Variants in KLF12 observed in about 807,000 individuals in gnomAD.
KLF12 encodes KLF transcription factor 12, also known as Krueppel-like factor 12.
In KLF12, 9 loss-of-function variants were observed where a neutral mutation model predicts 37.8. The observed-to-expected ratio is 0.24, with a 90% confidence interval of 0.14 to 0.42. The LOEUF (loss-of-function observed/expected upper bound fraction) is 0.42, where lower values mean the gene tolerates loss of function less well. Ranked by LOEUF, KLF12 falls within the 10% of genes least tolerant of loss-of-function variation. KLF12 has a pLI of 1.00. For synonymous variants in KLF12, 208 were observed against 202.1 expected, an observed-to-expected ratio of 1.03 and a Z score of -0.25; for missense variants, 411 against 516.0, an observed-to-expected ratio of 0.80 and a Z score of 1.97.
At chr13:73,858,875 A>C (rs1203207179) in intron 3 of KLF12, among the ~76,000 whole-genome samples, 1 of 152,266 alleles carries the variant, frequency 6.6e-6, no homozygotes, top group Non-Finnish European at 1.5e-5. Flanking sequence ...GTGTCTTCAG[A>C]ATGCATAAAC....
chr13:74,130,440 C>T (rs1878197727), intron 1 of KLF12, among the ~76,000 whole-genome samples: 1 of 152,104 alleles, frequency 6.6e-6, no homozygotes, highest in South Asian at 2.1e-4. Context: ...AGGAGGTTTG[C>T]TTGAGGCCAG....
chr13:74,201,954 T>C, the KLF12 span, among the ~76,000 whole-genome samples: 2 of 152,162 alleles, frequency 1.3e-5, no homozygotes, highest in African/African-American at 4.8e-5. Flanking sequence ...CCAGGTTACC[T>C]GGGACCAGAG....
chr13:74,088,472 C>T (rs1043598381), intron 1 of KLF12, among the ~76,000 whole-genome samples: 12 of 152,136 alleles, frequency 7.9e-5, no homozygotes, highest in Non-Finnish European at 1.5e-5. Flanking sequence ...AAGCGATCCG[C>T]CCACCACAGC....
In KLF12 at chr13:73,896,076, C is replaced by T. The variant is rs1212607074; in HGVS notation, c.123+47905G>A. Among the ~76,000 whole-genome samples, 9 of 152,222 alleles carry T rather than the reference C, an allele frequency of 5.9e-5. No homozygotes were observed. In the East Asian group the frequency reaches 7.7e-4, roughly 13 times the overall value. ...CCTCAGGAGATCCACCCACCTTGGC[C>T]TCCTAAAGTTCTGGGATAGAAATCA... On this transcript the variant is annotated intron_variant, in intron 3 of 7. Transcript: ENST00000377669.
At chr13:74,304,253 T>C in the KLF12 span, among the ~76,000 whole-genome samples, 1 of 152,172 alleles carries the variant, frequency 6.6e-6, no homozygotes. Flanking sequence ...CTCCACCTTA[T>C]CCATACTGTT....
At chr13:73,779,649 G>T (rs1197343853) in intron 5 of KLF12, among the ~76,000 whole-genome samples, 2 of 152,230 alleles carry the variant, frequency 1.3e-5, no homozygotes, top group African/African-American at 4.8e-5. Flanking sequence ...ACAGGATCAT[G>T]GGAATTTCCC....
At chr13:73,865,886 A>G (rs1886150721) in intron 3 of KLF12, among the ~76,000 whole-genome samples, 1 of 152,228 alleles carries the variant, frequency 6.6e-6, no homozygotes, top group Admixed American at 6.5e-5. Flanking sequence ...AAGGACATAG[A>G]AATGATTAAT....
At chr13:74,280,608 T>C in the KLF12 span, among the ~76,000 whole-genome samples, 1 of 152,180 alleles carries the variant, frequency 6.6e-6, no homozygotes, top group African/African-American at 2.4e-5. Flanking sequence ...TGATCTCTGG[T>C]CACATTCTCT....
chr13:74,076,883 G>C (rs1874595270), intron 1 of KLF12, among the ~76,000 whole-genome samples: 1 of 152,082 alleles, frequency 6.6e-6, no homozygotes, highest in Non-Finnish European at 1.5e-5. Context: ...ACTTGTAATT[G>C]AGAACCTGTG....
chr13:74,050,427 T>C (rs576558248), intron 1 of KLF12, among the ~76,000 whole-genome samples: 1 of 151,962 alleles, frequency 6.6e-6, no homozygotes, highest in South Asian at 2.1e-4. Context: ...AAGGAAAAAA[T>C]CTTGATATGA....
At chr13:74,263,345 G>A in the KLF12 span, among the ~76,000 whole-genome samples, 1 of 152,164 alleles carries the variant, frequency 6.6e-6, no homozygotes, top group Non-Finnish European at 1.5e-5. Context: ...TCACATTTAA[G>A]TTGCTATTGT....
At chr13:73,974,196 G>A (rs1891433683) in intron 2 of KLF12, among the ~76,000 whole-genome samples, 2 of 151,780 alleles carry the variant, frequency 1.3e-5, no homozygotes, top group Admixed American at 1.3e-4. Context: ...AGTAAAAATA[G>A]TATAAACTTT....
chr13:74,244,742 C>G, the KLF12 span, among the ~76,000 whole-genome samples: 1 of 152,162 alleles, frequency 6.6e-6, no homozygotes, highest in Non-Finnish European at 1.5e-5. Context: ...TTGTCCTACT[C>G]CTTTTAATGC....
At chr13:73,785,751 G>T (rs1442303383) in intron 5 of KLF12, among the ~76,000 whole-genome samples, 1 of 151,750 alleles carries the variant, frequency 6.6e-6, no homozygotes, top group Non-Finnish European at 1.5e-5. Context: ...CCTTATTTTT[G>T]ACTGCTATTG....
Position 73,885,754 on chromosome 13 carries a change from TG to T in KLF12, c.124-39382del, listed in dbSNP as rs150958251. On this transcript the variant is annotated intron_variant, in intron 3 of 7. Coordinates refer to ENST00000377669, the MANE Select transcript of KLF12 (RefSeq NM_007249.5). ...AAAGGTGCTGAAAGGTTTTTAAGCT[TG>T]GGAGAAAAACCTGGTACACAGAGAA... Among the ~76,000 whole-genome samples, 594 of 152,290 alleles carry T rather than the reference TG, an allele frequency of 3.9e-3. 6 individuals are homozygous for T. The highest frequency in any genetic ancestry group is 0.014 in the African/African-American group (564 of 41,572).
intron 4 of KLF12, among the ~76,000 whole-genome samples, chr13:73,834,337 T>C (rs757004286): frequency 6.6e-6 from 1 of 152,194 alleles, no homozygotes; most frequent in Non-Finnish European, 1.5e-5. Context: ...AATTCTACCA[T>C]GCTCCTACTG....
chr13:73,694,883 C>T lies in KLF12; in HGVS notation c.*607G>A, dbSNP rs74642838. The stretch of plus-strand genomic sequence containing the variant: ...AATGTTGGTTTTCTTCAGGGCATGG[C>T]AGAATGACAAGTTGAGAGTGATATC... On this transcript the variant is annotated 3_prime_UTR_variant, in exon 8 of 8. Coordinates refer to ENST00000377669, the MANE Select transcript of KLF12 (RefSeq NM_007249.5). The T allele has an allele frequency of 5.5e-3, 840 of 152,672 alleles. 36 individuals are homozygous for T. The East Asian group carries it at 0.11, about 21-fold the overall frequency. The allele number at this position is 152,672 out of a possible 1,614,324, so 9.5% of individuals were successfully genotyped here.
the KLF12 span, among the ~76,000 whole-genome samples, chr13:74,262,347 C>T: frequency 6.6e-6 from 1 of 152,132 alleles, no homozygotes; most frequent in Non-Finnish European, 1.5e-5. Flanking sequence ...ATTATAGCTT[C>T]ATGAGATTTG....
chr13:73,842,739 T>C (rs1342855956), intron 4 of KLF12, among the ~76,000 whole-genome samples: 1 of 152,250 alleles, frequency 6.6e-6, no homozygotes, highest in Non-Finnish European at 1.5e-5. Context: ...TATTTTCCTT[T>C]GCTCATGCAT....
Sources: allele counts gnomAD v4.1 joint callset (sites outside exome capture counted in the v4.1 genomes callset), GRCh38; gene constraint gnomAD v4.1.1; transcripts MANE v1.5; gene names NCBI Gene and HGNC (gene_info 2026-07-23, HGNC 2026-07-21).